The following TTLL8 variants were observed in gnomAD, a reference collection of about 807,000 sequenced individuals.
TTLL8 encodes the protein protein monoglycylase TTLL8.
TTLL8 carries 65 observed loss-of-function variants against 77.8 expected under a neutral mutation model. The observed-to-expected ratio is 0.84, with a 90% CI of 0.68 to 1.03. The LOEUF (loss-of-function observed/expected upper bound fraction) is 1.03, where lower values mean the gene tolerates loss of function less well. Ranked by LOEUF, TTLL8 falls within the 50% of genes least tolerant of loss-of-function variation. The probability of loss-of-function intolerance (pLI) is 0.00; values close to 1 mark genes in which losing one functional copy is unlikely to be tolerated. For missense variants in TTLL8, 910 were observed against 1,004.5 expected (o/e 0.91, Z 1.27); for synonymous variants, 402 against 422.8 (o/e 0.95, Z 0.60).
chr22:50,043,435 G>A (rs1483533997), intron 6 of TTLL8, among the ~76,000 whole-genome samples: 35 of 142,780 alleles, frequency 2.5e-4, no homozygotes, highest in African/African-American at 6.3e-4. Context: ...AAACAGTGGT[G>A]CCGAGACGTC....
At chr22:50,043,835 G>GA (rs2061391517) in intron 6 of TTLL8, among the ~76,000 whole-genome samples, 1 of 152,172 alleles carries the variant, frequency 6.6e-6, no homozygotes, top group Non-Finnish European at 1.5e-5. Context: ...GAGACAGGAA[G>GA]AAGATCAGTG....
Position 50,041,992 on chromosome 22 carries a change from C to T in TTLL8, c.644-185G>A, listed in dbSNP as rs1004757187. On this transcript the variant is annotated intron_variant, in intron 6 of 13. Transcript: ENST00000266182. This position sits in a 1 kb window ranked among gnomAD's most constrained non-coding sequence, Gnocchi z 4.3. ...ACCCAACCAAGCTTCTCTGGGCAACCGCCCTGGATGTCACGCCTGTGTCTG... is the reference window on the plus strand; with the variant it reads ...ACCCAACCAAGCTTCTCTGGGCAACTGCCCTGGATGTCACGCCTGTGTCTG... 3.9e-5 allele frequency among the ~76,000 whole-genome samples: 6 copies of T among 152,188 alleles called. No homozygotes were observed. The highest frequency in any genetic ancestry group is 9.7e-5 in the African/African-American group (4 of 41,420).
chr22:50,033,734 T>C (rs945997554), intron 9 of TTLL8, among the ~76,000 whole-genome samples: 2 of 152,158 alleles, frequency 1.3e-5, no homozygotes, highest in Non-Finnish European at 2.9e-5. Flanking sequence ...ACAGAGACAC[T>C]TTTAAAAGGG....
At chr22:50,031,932 G>A (rs994541009) in exon 11 of TTLL8, 11 of 1,366,852 alleles carry the variant, frequency 8.0e-6, no homozygotes, top group African/African-American at 3.0e-5. Flanking sequence ...TGGCGTGGGC[G>A]ATGGCCTTCT....
At chr22:50,019,930 T>C (rs1177354490) in intron 12 of TTLL8, among the ~76,000 whole-genome samples, 1 of 152,138 alleles carries the variant, frequency 6.6e-6, no homozygotes, top group Non-Finnish European at 1.5e-5. Flanking sequence ...AAACATAAGC[T>C]TATATAATGA....
At chr22:50,053,111 A>G (rs2061452506) in intron 1 of TTLL8, among the ~76,000 whole-genome samples, 1 of 151,932 alleles carries the variant, frequency 6.6e-6, no homozygotes, top group Non-Finnish European at 1.5e-5. Flanking sequence ...AGTCCCAGCT[A>G]CTCAGGAGGC....
chr22:50,041,895 C>T lies in TTLL8; in HGVS notation c.644-88G>A. On this transcript the variant is annotated intron_variant, in intron 6 of 13. Coordinates refer to ENST00000266182, the Ensembl canonical transcript of TTLL8. The surrounding 1 kb of genome is among the most constrained non-coding windows in gnomAD (Gnocchi z 4.3). ...GAGGGGTGATGTCTAAAGTCATGGACAAAGGCTGCTCCACTCCCTCTGTGC... is the reference window on the plus strand; with the variant it reads ...GAGGGGTGATGTCTAAAGTCATGGATAAAGGCTGCTCCACTCCCTCTGTGC... 8.5e-7 allele frequency: 1 copy of T among 1,171,714 alleles called. No individual in the cohort carries two copies. Among genetic ancestry groups the T allele is most frequent in the Non-Finnish European group, 1.1e-6 (1 of 900,180 alleles). The allele number at this position is 1,171,714 out of a possible 1,614,324, so 72.6% of individuals were successfully genotyped here.
At chr22:50,042,995 C>T (rs1244573175) in intron 6 of TTLL8, among the ~76,000 whole-genome samples, 3 of 152,240 alleles carry the variant, frequency 2.0e-5, no homozygotes, top group East Asian at 1.9e-4. Context: ...GGTATTTACC[C>T]AGATGAATTC....
chr22:50,041,254 A>G lies in TTLL8; in HGVS notation c.854T>C (p.Val285Ala), dbSNP rs758986494. The change falls in exon 8 of 14, where the codon GTC becomes GCC. Residue 285 changes from valine to alanine, a missense_variant. Physicochemically the swap from Val to Ala is moderately conservative, Grantham distance 64 (BLOSUM62 0). Transcript: ENST00000266182. This position sits in a 1 kb window ranked among gnomAD's most constrained non-coding sequence, Gnocchi z 4.3. Reference sequence around the variant, plus strand: ...CTTCTGGATTTTGAAGATGCACAAGACAATGCTACTCCCCAAAGGCACCCT... The same window carrying G: ...CTTCTGGATTTTGAAGATGCACAAGGCAATGCTACTCCCCAAAGGCACCCT... The G allele has an allele frequency of 4.0e-6, 2 of 502,672 alleles. No homozygotes were observed. The highest frequency in any genetic ancestry group is 8.0e-6 in the Non-Finnish European group (2 of 249,356). The allele number at this position is 502,672 out of a possible 1,614,324, so 31.1% of individuals were successfully genotyped here.
upstream of TTLL8, chr22:50,055,161 G>T: frequency 7.9e-7 from 1 of 1,258,610 alleles, no homozygotes; most frequent in Non-Finnish European, 1.0e-6. Context: ...CAGATGGACA[G>T]ATTCCAAGTT....
intron 3 of TTLL8, among the ~76,000 whole-genome samples, chr22:50,048,226 G>A (rs1350232645): frequency 1.3e-5 from 2 of 151,706 alleles, no homozygotes; most frequent in Non-Finnish European, 2.9e-5. Context: ...TCCCCCAGCC[G>A]CCCCCACCCG....
rs1296855825 is a variant in TTLL8 at position 50,028,682 on chromosome 22, G to A, written c.2203+1748C>T. Among the ~76,000 whole-genome samples, 7 of 51,776 alleles carry A rather than the reference G, an allele frequency of 1.4e-4. No homozygotes were observed. The Admixed American group carries it at 1.5e-3, about 11-fold the overall frequency. 34.0% of individuals were successfully genotyped at this position (51,776 alleles called of 152,430 possible). ...ATCCTAAAGACCCCCACACACACTC[G>A]TAAAGACCCCATCACACCATCCTGA... On this transcript the variant is annotated intron_variant, in intron 12 of 13. Coordinates refer to ENST00000266182, the Ensembl canonical transcript of TTLL8.
chr22:50,036,016 G>T (rs907680397), intron 8 of TTLL8, among the ~76,000 whole-genome samples: 5 of 152,350 alleles, frequency 3.3e-5, no homozygotes, highest in Middle Eastern at 3.4e-3. Context: ...CACCGCGCAG[G>T]AGCTGGCAAA....
At chr22:50,024,938 G>C (rs986910451) in intron 12 of TTLL8, among the ~76,000 whole-genome samples, 1 of 152,228 alleles carries the variant, frequency 6.6e-6, no homozygotes, top group Non-Finnish European at 1.5e-5. Flanking sequence ...TTTTGGAGCA[G>C]GTGCCAGGTT....
intron 8 of TTLL8, among the ~76,000 whole-genome samples, chr22:50,035,094 G>A (rs113959953): frequency 0.025 from 3,780 of 152,238 alleles, 163 homozygotes; most frequent in African/African-American, 0.087. Flanking sequence ...GTTCGGGGGT[G>A]CACTCCTGCT....
At chr22:50,021,303 G>A (rs889304086) in intron 12 of TTLL8, among the ~76,000 whole-genome samples, 6 of 137,582 alleles carry the variant, frequency 4.4e-5, no homozygotes, top group South Asian at 2.5e-4. Context: ...TCCATCTGAC[G>A]ATGTGTACTC....
chr22:50,043,232 T>C (rs1364569001), intron 6 of TTLL8, among the ~76,000 whole-genome samples: 1 of 151,460 alleles, frequency 6.6e-6, no homozygotes, highest in Non-Finnish European at 1.5e-5. Flanking sequence ...TGTCCTTCAG[T>C]AGATGGATAG....
rs771496178 is a variant in TTLL8, at chr22:50,034,503, C to T, written c.922-41G>A. Reference sequence around the variant, plus strand: ...TCTTGAATTGGAGATGAAAGCATCGCCACTACAAAGCAAGATCCAGAAAGT... The same window carrying T: ...TCTTGAATTGGAGATGAAAGCATCGTCACTACAAAGCAAGATCCAGAAAGT... On this transcript the variant is annotated intron_variant, in intron 8 of 13. Transcript: ENST00000266182. The surrounding 1 kb of genome is among the most constrained non-coding windows in gnomAD (Gnocchi z 4.1). The T allele has an allele frequency of 1.5e-6, 2 of 1,351,154 alleles. No individual in the cohort carries two copies. Among genetic ancestry groups the T allele is most frequent in the Admixed American group, 3.9e-5 (2 of 50,984 alleles). The allele number at this position is 1,351,154 out of a possible 1,614,324, so 83.7% of individuals were successfully genotyped here.
At chr22:50,047,045 C>T (rs2061416718) in intron 4 of TTLL8, 123 bp downstream of exon 6, 1 of 1,232,744 alleles carries the variant, frequency 8.1e-7, no homozygotes, top group South Asian at 1.4e-5. Context: ...ACCAGGAGTC[C>T]TGGGATGCAC....
Sources: allele counts gnomAD v4.1 joint callset (sites outside exome capture counted in the v4.1 genomes callset), GRCh38; gene constraint gnomAD v4.1.1; non-coding constraint Gnocchi (gnomAD v3.1); transcripts MANE v1.5; gene names NCBI Gene and HGNC (gene_info 2026-07-23, HGNC 2026-07-21).